KTN1: variants seen among roughly 807,000 people sequenced by gnomAD.
The protein encoded by KTN1 is kinectin 1, also known as kinectin.
A neutral mutation model predicts 222.5 loss-of-function variants in KTN1; 130 were observed. That is an observed-to-expected ratio of 0.58 (90% CI 0.51 to 0.68). KTN1 has a LOEUF of 0.68. Among genes scored for constraint, KTN1 ranks in the 30% least tolerant of loss-of-function variants. KTN1 has a pLI of 0.00. For missense variants in KTN1, 1,508 were observed against 1,500.4 expected (o/e 1.01, Z -0.08); for synonymous variants, 512 against 496.3 (o/e 1.03, Z -0.42).
At chr14:55,592,963 G>A (rs2034395362) in intron 1 of KTN1, among the ~76,000 whole-genome samples, 1 of 152,122 alleles carries the variant, frequency 6.6e-6, no homozygotes, top group African/African-American at 2.4e-5. Context: ...TTTATCCCGT[G>A]TTTTTAATTG....
At chr14:55,604,725 T>A (rs1056602298) in intron 1 of KTN1, among the ~76,000 whole-genome samples, 1 of 151,940 alleles carries the variant, frequency 6.6e-6, no homozygotes, top group Non-Finnish European at 1.5e-5. Flanking sequence ...AAATAACAAA[T>A]GAATAATAAA....
At chr14:55,614,036 T>C (rs533509383) in intron 2 of KTN1, among the ~76,000 whole-genome samples, 7 of 152,290 alleles carry the variant, frequency 4.6e-5, no homozygotes, top group Admixed American at 4.6e-4. Flanking sequence ...CAGAATATCA[T>C]GTAAAGGCAC....
intron 28 of KTN1, among the ~76,000 whole-genome samples, chr14:55,654,689 C>T (rs377596051): frequency 6.6e-6 from 1 of 152,180 alleles, no homozygotes; most frequent in East Asian, 1.9e-4. Context: ...AGTGATGAGC[C>T]AATAGCAGTA....
At chr14:55,644,055 T>C (rs1053549494) in intron 18 of KTN1, among the ~76,000 whole-genome samples, 1 of 152,194 alleles carries the variant, frequency 6.6e-6, no homozygotes, top group Admixed American at 6.5e-5. Context: ...TTCTTCTGAC[T>C]CTGAAAGCTT....
chr14:55,606,599 A>AG (rs148603420), intron 1 of KTN1, among the ~76,000 whole-genome samples: 12,164 of 152,202 alleles, frequency 0.08, 532 homozygotes, highest in South Asian at 0.11. Context: ...CACTATAGTA[A>AG]AAAATATAAT....
chr14:55,618,857 G>GA (rs2038753930), intron 4 of KTN1, among the ~76,000 whole-genome samples: 1 of 152,094 alleles, frequency 6.6e-6, no homozygotes, highest in African/African-American at 2.4e-5. Flanking sequence ...AAAGTTCATT[G>GA]AGATTATTGT....
chr14:55,626,338 A>G (rs886525434), intron 5 of KTN1, among the ~76,000 whole-genome samples: 4 of 152,004 alleles, frequency 2.6e-5, no homozygotes, highest in Non-Finnish European at 5.9e-5. Context: ...GCTGCTTCCA[A>G]CTGTAGTATT....
chr14:55,660,641 A>G (rs2044030613), intron 31 of KTN1, among the ~76,000 whole-genome samples: 1 of 152,116 alleles, frequency 6.6e-6, no homozygotes, highest in Non-Finnish European at 1.5e-5. Flanking sequence ...GGTTAGAATT[A>G]TTGACTATTA....
At chr14:55,599,569 A>AT (rs148074127) in intron 1 of KTN1, among the ~76,000 whole-genome samples, 11,644 of 151,996 alleles carry the variant, frequency 0.077, 488 homozygotes, top group South Asian at 0.11. Context: ...AGAAGCACAG[A>AT]TTCAAAGCGA....
intron 8 of KTN1, 60 bp from the exon 9 acceptor site, chr14:55,634,466 G>C (rs1000929676): frequency 1.4e-6 from 2 of 1,462,014 alleles, no homozygotes; most frequent in Non-Finnish European, 9.2e-7. Context: ...AGTATGTTTT[G>C]TTTATTTCTT....
intron 1 of KTN1, among the ~76,000 whole-genome samples, chr14:55,605,316 G>C (rs149494727): frequency 6.6e-6 from 1 of 152,018 alleles, no homozygotes; most frequent in Non-Finnish European, 1.5e-5. Context: ...TTGCTCTGTC[G>C]CCCAGGCTGG....
chr14:55,611,338 G>A (rs1421027358), intron 1 of KTN1, among the ~76,000 whole-genome samples: 1 of 146,648 alleles, frequency 6.8e-6, no homozygotes, highest in Non-Finnish European at 1.5e-5. Flanking sequence ...CTAGGCTCAA[G>A]TGATCCGTCT....
rs2037662800 is a variant in KTN1 at position 55,612,092 on chromosome 14, C to T, written c.44C>T (p.Ser15Leu). Residue 15 changes from serine (S) to leucine (L), a missense_variant, in exon 2 of 44, where the codon TCA becomes TTA. By Grantham distance (145) the Ser-to-Leu change is moderately radical (BLOSUM62 -2). Coordinates refer to ENST00000395314, the MANE Select transcript of KTN1 (RefSeq NM_001079521.2). ...ESAYFIVLIP[S>L]IVITVIFLFF... ...GCATATTTTATTGTTCTTATTCCTT[C>T]AATAGTTATTACAGTAATTTTCCTC... 6.5e-7 allele frequency: 1 copy of T among 1,533,712 alleles called. No homozygotes were observed. Among genetic ancestry groups the T allele is most frequent in the Admixed American group, 2.4e-5 (1 of 42,422 alleles).
chr14:55,665,651 T>C (rs1271287847), intron 33 of KTN1, among the ~76,000 whole-genome samples: 1 of 152,026 alleles, frequency 6.6e-6, no homozygotes, highest in Non-Finnish European at 1.5e-5. Context: ...ATGCTGTCTT[T>C]ACAGGATTAT....
intron 9 of KTN1, 69 bp downstream of exon 9, chr14:55,634,727 G>T (rs755688118): frequency 6.8e-5 from 94 of 1,385,960 alleles, no homozygotes; most frequent in Non-Finnish European, 8.8e-5. Context: ...TTTCATACTG[G>T]TATGAAGAAC....
Position 55,650,612 on chromosome 14 carries a change from A to G in KTN1, c.2540A>G (p.Asn847Ser), listed in dbSNP as rs2141110347. 1.9e-6 allele frequency: 3 copies of G among 1,612,582 alleles called. No homozygotes were observed. Among genetic ancestry groups the G allele is most frequent in the East Asian group, 4.5e-5 (2 of 44,810 alleles). The stretch of plus-strand genomic sequence containing the variant: ...AAGGCTCTAAAAGAAGAAATAGGAA[A>G]TGTCCAGCTTGAAAAGGCTCAACAG... Reference protein sequence around the residue: ...EIKALKEEIGNVQLEKAQQLS... With the variant: ...EIKALKEEIGSVQLEKAQQLS... The change falls in exon 24 of 44, where the codon AAT becomes AGT. Residue 847 changes from asparagine to serine, a missense_variant. By Grantham distance (46) the Asn-to-Ser change is conservative (BLOSUM62 1). Coordinates refer to ENST00000395314, the MANE Select transcript of KTN1 (RefSeq NM_001079521.2).
intron 5 of KTN1, among the ~76,000 whole-genome samples, chr14:55,621,585 T>C (rs2039135374): frequency 6.6e-6 from 1 of 152,052 alleles, no homozygotes; most frequent in Non-Finnish European, 1.5e-5. Context: ...TTTAAAACCC[T>C]CAGATCTTGT....
intron 8 of KTN1, among the ~76,000 whole-genome samples, chr14:55,633,837 T>C (rs2040803954): frequency 1.3e-5 from 2 of 152,064 alleles, no homozygotes; most frequent in African/African-American, 4.8e-5. Context: ...CCCAGGAGTC[T>C]ACATATTAAG....
intron 42 of KTN1, 29 bp downstream of exon 42, chr14:55,678,473 T>G: frequency 6.6e-6 from 9 of 1,368,664 alleles, no homozygotes; most frequent in Non-Finnish European, 9.4e-6. Context: ...CCCAGATCTC[T>G]GAGCTAGTTA....
Sources: gnomAD v4.1 joint callset for allele counts (sites outside exome capture counted in the v4.1 genomes callset) on GRCh38, gnomAD v4.1.1 for gene constraint, MANE v1.5 for transcripts, NCBI Gene and HGNC (gene_info 2026-07-23, HGNC 2026-07-21) for gene names.